Variants in MEIKIN observed in about 807,000 individuals in gnomAD.
The protein encoded by MEIKIN is meiosis-specific kinetochore protein.
At chr5:131,861,977 G>A (rs1375196137) in intron 9 of MEIKIN, among the ~76,000 whole-genome samples, 1 of 152,106 alleles carries the variant, frequency 6.6e-6, no homozygotes, top group Non-Finnish European at 1.5e-5. Flanking sequence ...AGTGAGTTAG[G>A]GAGGATTCCC....
chr5:131,923,622 TG>T (rs1423389110), intron 5 of MEIKIN, among the ~76,000 whole-genome samples: 1 of 151,920 alleles, frequency 6.6e-6, no homozygotes, highest in Non-Finnish European at 1.5e-5. Context: ...TGCACTTCAT[TG>T]TTCTTAGAAC....
At chr5:131,930,340 C>T (rs1751667540) in intron 5 of MEIKIN, among the ~76,000 whole-genome samples, 1 of 151,988 alleles carries the variant, frequency 6.6e-6, no homozygotes, top group African/African-American at 2.4e-5. Context: ...TTAATAGGAT[C>T]GTTTTTTTGC....
intron 10 of MEIKIN, among the ~76,000 whole-genome samples, chr5:131,854,528 G>GA (rs1750163531): frequency 6.6e-6 from 1 of 151,914 alleles, no homozygotes; most frequent in Admixed American, 6.6e-5. Flanking sequence ...AAACTGAAAG[G>GA]AAAAAACAGA....
intron 7 of MEIKIN, among the ~76,000 whole-genome samples, chr5:131,915,997 T>C (rs887990278): frequency 1.3e-5 from 2 of 152,158 alleles, no homozygotes; most frequent in Admixed American, 6.5e-5. Flanking sequence ...GTTATCGCAA[T>C]ATAAATAAAA....
intron 8 of MEIKIN, among the ~76,000 whole-genome samples, chr5:131,905,078 A>G (rs900155554): frequency 1.3e-5 from 2 of 152,172 alleles, no homozygotes; most frequent in African/African-American, 4.8e-5. Context: ...GTGTATACCT[A>G]TGTAACAAAC....
intron 3 of MEIKIN, among the ~76,000 whole-genome samples, chr5:131,942,948 G>A (rs1444796307): frequency 3.3e-5 from 5 of 151,940 alleles, no homozygotes; most frequent in Non-Finnish European, 1.5e-5. Context: ...AACTACTGTG[G>A]GATGACAGCA....
chr5:131,828,411 C>A (rs535529598), intron 11 of MEIKIN, among the ~76,000 whole-genome samples: 1 of 152,198 alleles, frequency 6.6e-6, no homozygotes, highest in South Asian at 2.1e-4. Context: ...GATTTGCCTG[C>A]CTTTGACCTC....
At chr5:131,906,415 T>A (rs755969375) in intron 8 of MEIKIN, among the ~76,000 whole-genome samples, 1 of 152,174 alleles carries the variant, frequency 6.6e-6, no homozygotes, top group Non-Finnish European at 1.5e-5. Context: ...ATACTGTTAG[T>A]GGGAGTGTAA....
Position 131,818,757 on chromosome 5 carries a change from G to A in MEIKIN, c.1082C>T (p.Pro361Leu). The A allele has an allele frequency of 2.5e-6, 1 of 397,958 alleles. No individual in the cohort carries two copies. The highest frequency in any genetic ancestry group is 2.1e-5 in the African/African-American group (1 of 48,688). The allele number at this position is 397,958 out of a possible 1,614,324, so 24.7% of individuals were successfully genotyped here. The change falls in exon 12 of 13, where the codon CCT (proline) becomes CTT (leucine). Residue 361 changes from proline (P) to leucine (L), a missense_variant. Physicochemically the swap from Pro to Leu is moderately conservative, Grantham distance 98. Coordinates refer to ENST00000442687, the MANE Select transcript of MEIKIN (RefSeq NM_001303622.2). ...TACAGTACCTTGAGGGGTATCCTTA[G>A]GAAGAGAATATTTCTTCTTCTTTAC... Reference protein sequence around the residue: ...VIVKKKKYSLPKDTPQDIIIK... With the variant: ...VIVKKKKYSLLKDTPQDIIIK...
chr5:131,815,053 A>G (rs150258909), intron 12 of MEIKIN, among the ~76,000 whole-genome samples: 223 of 152,252 alleles, frequency 1.5e-3, no homozygotes, highest in African/African-American at 5.2e-3. Context: ...CTCGATACAG[A>G]TTTGCCTTCC....
intron 8 of MEIKIN, among the ~76,000 whole-genome samples, chr5:131,892,327 A>G (rs1750938073): frequency 6.6e-6 from 1 of 152,046 alleles, no homozygotes; most frequent in African/African-American, 2.4e-5. Flanking sequence ...GCTTGGTTCC[A>G]TTCTCCCCGT....
chr5:131,827,023 T>C (rs1749628019), intron 11 of MEIKIN, among the ~76,000 whole-genome samples: 2 of 152,192 alleles, frequency 1.3e-5, no homozygotes, highest in Non-Finnish European at 2.9e-5. Flanking sequence ...AGAGTTTCAC[T>C]GTGTTGCCCA....
At chr5:131,848,099 T>C (rs1750048821) in intron 11 of MEIKIN, among the ~76,000 whole-genome samples, 1 of 152,016 alleles carries the variant, frequency 6.6e-6, no homozygotes, top group Admixed American at 6.6e-5. Flanking sequence ...ATCAACAACC[T>C]AACTTTACAA....
intron 9 of MEIKIN, among the ~76,000 whole-genome samples, chr5:131,873,389 A>C (rs984240396): frequency 6.6e-6 from 1 of 152,242 alleles, no homozygotes; most frequent in Non-Finnish European, 1.5e-5. Flanking sequence ...ACAAAGATCA[A>C]AAGAGACAAA....
intron 8 of MEIKIN, among the ~76,000 whole-genome samples, chr5:131,886,294 T>A (rs1488150027): frequency 6.6e-6 from 1 of 152,020 alleles, no homozygotes; most frequent in Non-Finnish European, 1.5e-5. Context: ...GAGAAAGATA[T>A]CAATATCAAG....
At chr5:131,917,309 T>TA (rs1482815574) in intron 6 of MEIKIN, among the ~76,000 whole-genome samples, 7 of 152,142 alleles carry the variant, frequency 4.6e-5, no homozygotes, top group African/African-American at 1.7e-4. Context: ...TTCACGCCTG[T>TA]AATCCCAACA....
intron 9 of MEIKIN, among the ~76,000 whole-genome samples, chr5:131,860,279 A>C (rs1455367684): frequency 9.6e-6 from 1 of 104,100 alleles, no homozygotes. Context: ...ATTTATGCCT[A>C]GTTTTTTTTT....
chr5:131,896,132 T>C (rs1320608277), intron 8 of MEIKIN, among the ~76,000 whole-genome samples: 3 of 152,212 alleles, frequency 2.0e-5, no homozygotes, highest in African/African-American at 7.2e-5. Context: ...TCTGCCTTGA[T>C]TTCGTTATTT....
At chr5:131,832,389 A>G (rs1024640060) in intron 11 of MEIKIN, among the ~76,000 whole-genome samples, 2 of 152,120 alleles carry the variant, frequency 1.3e-5, no homozygotes, top group Admixed American at 6.5e-5. Context: ...GGTCTTGGGC[A>G]GCTCCACCCC....
Sources: gnomAD v4.1 joint callset for allele counts (sites outside exome capture counted in the v4.1 genomes callset) on GRCh38, gnomAD v4.1.1 for gene constraint, MANE v1.5 for transcripts, NCBI Gene and HGNC (gene_info 2026-07-23, HGNC 2026-07-21) for gene names.